DLG2: variants seen among roughly 807,000 people sequenced by gnomAD.
DLG2 encodes the protein discs large MAGUK scaffold protein 2.
Under a neutral mutation model 132.5 loss-of-function variants are expected in DLG2, and 45 were observed. The observed-to-expected ratio is 0.34, with a 90% confidence interval of 0.27 to 0.44. The LOEUF (loss-of-function observed/expected upper bound fraction) is 0.44, where lower values mean the gene tolerates loss of function less well. DLG2 is among the 20% of genes least tolerant of loss of function. DLG2 has a pLI of 1.00. For synonymous variants in DLG2, 424 were observed against 419.6 expected (o/e 1.01, Z -0.13); for missense variants, 1,045 against 1,196.9 (o/e 0.87, Z 1.87).
chr11:85,107,226 C>T (rs675160), intron 6 of DLG2, among the ~76,000 whole-genome samples: 106,685 of 151,904 alleles, frequency 0.7, 38,623 homozygotes, highest in East Asian at 0.94. Flanking sequence ...ACTCCTTTCC[C>T]AGCATTAATT....
At chr11:83,514,291 A>G (rs1430928353) in intron 21 of DLG2, among the ~76,000 whole-genome samples, 1 of 152,146 alleles carries the variant, frequency 6.6e-6, no homozygotes, top group Non-Finnish European at 1.5e-5. Flanking sequence ...CTTTGAAGCA[A>G]TTGTGAATGG....
At chr11:84,053,251 C>T (rs1475157947) in intron 11 of DLG2, among the ~76,000 whole-genome samples, 1 of 151,920 alleles carries the variant, frequency 6.6e-6, no homozygotes, top group Non-Finnish European at 1.5e-5. Flanking sequence ...ACAACACACA[C>T]TGGGGCCTGT....
chr11:84,653,415 G>T (rs967586063), intron 6 of DLG2, among the ~76,000 whole-genome samples: 2 of 152,254 alleles, frequency 1.3e-5, no homozygotes, highest in South Asian at 4.2e-4. Context: ...AATCAACAGA[G>T]CAAGACCAAA....
At chr11:85,240,610 G>A (rs72947966) in intron 4 of DLG2, among the ~76,000 whole-genome samples, 7,000 of 151,760 alleles carry the variant, frequency 0.046, 226 homozygotes, top group East Asian at 0.11. Flanking sequence ...TGGAAGCTGA[G>A]GATCCACCTT....
rs79245755 is a variant in DLG2, at chr11:85,494,755, G to T, written c.40+103902C>A. On this transcript the variant is annotated intron_variant, in intron 3 of 27. Coordinates refer to ENST00000376104, the MANE Select transcript of DLG2 (RefSeq NM_001142699.3). ...TAAAGAGTTTTGGCTTTAAAAGAAA[G>T]TTAAGACGAAATATGAAAGAAGAAA... 8.6e-3 allele frequency among the ~76,000 whole-genome samples: 1,306 copies of T among 151,968 alleles called. 4 individuals carry two copies. Among genetic ancestry groups the T allele is most frequent in the Non-Finnish European group, 0.014 (964 of 67,914 alleles).
At chr11:83,697,929 C>T (rs1472752706) in intron 18 of DLG2, among the ~76,000 whole-genome samples, 1 of 152,184 alleles carries the variant, frequency 6.6e-6, no homozygotes, top group Non-Finnish European at 1.5e-5. Context: ...GGGTTTGGCT[C>T]ATGGTCTCTG....
intron 8 of DLG2, among the ~76,000 whole-genome samples, chr11:84,200,038 C>G (rs1201450858): frequency 1.3e-5 from 2 of 151,736 alleles, no homozygotes; most frequent in Non-Finnish European, 2.9e-5. Context: ...AATCCCAAGA[C>G]TACTAAGGAA....
chr11:84,590,107 G>A (rs2154530448), intron 6 of DLG2, among the ~76,000 whole-genome samples: 1 of 152,302 alleles, frequency 6.6e-6, no homozygotes, highest in East Asian at 1.9e-4. Context: ...GTCCTACCCT[G>A]TTGGAAGGGC....
intron 2 of DLG2, among the ~76,000 whole-genome samples, chr11:85,604,684 T>TG (rs1326480786): frequency 6.7e-6 from 1 of 149,834 alleles, no homozygotes; most frequent in African/African-American, 2.5e-5. Flanking sequence ...CAGGAGGAAA[T>TG]GGGGGGGAAG....
At chr11:84,715,729 T>C (rs947224786) in intron 6 of DLG2, among the ~76,000 whole-genome samples, 2 of 152,156 alleles carry the variant, frequency 1.3e-5, no homozygotes, top group African/African-American at 4.8e-5. Flanking sequence ...GATAATATTC[T>C]AATTTATAGA....
chr11:84,012,975 G>C (rs376584504), intron 11 of DLG2, among the ~76,000 whole-genome samples: 70 of 150,236 alleles, frequency 4.7e-4, no homozygotes, highest in Non-Finnish European at 9.8e-4. Context: ...TCTCAGATCT[G>C]TCTTTTAAAG....
chr11:84,672,244 C>T (rs1219888449), intron 6 of DLG2, among the ~76,000 whole-genome samples: 1 of 152,020 alleles, frequency 6.6e-6, no homozygotes, highest in Non-Finnish European at 1.5e-5. Context: ...TTCAGAAGAA[C>T]AGAAAGCTTC....
intron 3 of DLG2, among the ~76,000 whole-genome samples, chr11:85,406,517 T>G (rs1435260810): frequency 1.3e-5 from 2 of 151,880 alleles, no homozygotes; most frequent in Non-Finnish European, 2.9e-5. Flanking sequence ...GTCATCATGT[T>G]GCTGAGACAG....
At chr11:83,483,432 T>C (rs1005589146) in intron 22 of DLG2, 15 of 589,506 alleles carry the variant, frequency 2.5e-5, no homozygotes, top group African/African-American at 7.7e-5. Context: ...TCCCATTCTC[T>C]CTTCTTTTAA....
chr11:84,417,896 G>A (rs1413292105), intron 7 of DLG2, among the ~76,000 whole-genome samples: 3 of 152,130 alleles, frequency 2.0e-5, no homozygotes, highest in Non-Finnish European at 2.9e-5. Context: ...ACCTGGGAAT[G>A]GACTTCCTAT....
intron 19 of DLG2, among the ~76,000 whole-genome samples, chr11:83,618,874 T>G (rs2061233175): frequency 6.6e-6 from 1 of 152,240 alleles, no homozygotes; most frequent in South Asian, 2.1e-4. Flanking sequence ...TCCTACCCTC[T>G]GCATAGGTGT....
At chr11:85,574,899 G>A (rs1049832263) in intron 3 of DLG2, among the ~76,000 whole-genome samples, 1 of 151,986 alleles carries the variant, frequency 6.6e-6, no homozygotes, top group Non-Finnish European at 1.5e-5. Context: ...ACACAAAACA[G>A]ACTAATACAG....
intron 6 of DLG2, among the ~76,000 whole-genome samples, chr11:84,744,173 A>G (rs891701003): frequency 3.9e-5 from 6 of 152,222 alleles, no homozygotes; most frequent in African/African-American, 1.4e-4. Context: ...AACAACAACA[A>G]CAACAACAAG....
chr11:84,051,239 A>G (rs2096371728), intron 11 of DLG2, among the ~76,000 whole-genome samples: 1 of 151,992 alleles, frequency 6.6e-6, no homozygotes, highest in African/African-American at 2.4e-5. Flanking sequence ...ATCTAGAACT[A>G]GAAATACCAT....
Sources: allele counts gnomAD v4.1 joint callset (sites outside exome capture counted in the v4.1 genomes callset), GRCh38; gene constraint gnomAD v4.1.1; transcripts MANE v1.5; gene names NCBI Gene and HGNC (gene_info 2026-07-23, HGNC 2026-07-21).